Variants in HTR2C observed in about 807,000 individuals in gnomAD.
HTR2C encodes 5-hydroxytryptamine receptor 2C, also known as 5-hydroxytryptamine (serotonin) receptor 2C, G protein-coupled.
In HTR2C, 5 loss-of-function variants were observed where a neutral mutation model predicts 21.0. The ratio of observed to expected loss-of-function variants is 0.24; its 90% confidence interval spans 0.12 to 0.50. The LOEUF is 0.50. Ranked by LOEUF, HTR2C falls within the 20% of genes least tolerant of loss-of-function variation. The pLI is 0.98. For missense variants in HTR2C, 271 were observed against 371.2 expected (o/e 0.73, Z 2.22); for synonymous variants, 150 against 145.3 (o/e 1.03, Z -0.23).
intron 2 of HTR2C, among the ~76,000 whole-genome samples, chrX:114,636,635 T>A (rs1242354801): frequency 1.8e-5 from 2 of 111,842 alleles, no homozygotes; most frequent in South Asian, 3.7e-4. Context: ...CTTTGTCACT[T>A]GTCAGAAGTC....
chrX:114,802,870 A>C (rs2070363558), intron 4 of HTR2C, among the ~76,000 whole-genome samples: 1 of 76,887 alleles, frequency 1.3e-5, no homozygotes, highest in East Asian at 5.7e-4. Flanking sequence ...TCCCAATGCT[A>C]TCCCTCCCCC....
chrX:114,851,270 ATATT>A (rs1412222434), intron 5 of HTR2C, among the ~76,000 whole-genome samples: 1 of 112,047 alleles, frequency 8.9e-6, no homozygotes, highest in African/African-American at 3.2e-5. Flanking sequence ...TGCACAAGAA[ATATT>A]TATCAAAACT....
At chrX:114,806,382 A>T (rs781910241) in intron 4 of HTR2C, among the ~76,000 whole-genome samples, 4 of 4,565 alleles carry the variant, frequency 8.8e-4, no homozygotes, top group East Asian at 0.059. Flanking sequence ...TATACACACC[A>T]TATATATATA....
chrX:114,785,842 A>G (rs2070169669), intron 4 of HTR2C, among the ~76,000 whole-genome samples: 1 of 112,389 alleles, frequency 8.9e-6, no homozygotes, highest in African/African-American at 3.2e-5. Context: ...TTATACTTCA[A>G]TAAAAGATGG....
At chrX:114,733,809 ACTGT>A in intron 4 of HTR2C, among the ~76,000 whole-genome samples, 1 of 111,132 alleles carries the variant, frequency 9.0e-6, no homozygotes, top group Admixed American at 9.7e-5. Context: ...CTACCTACAA[ACTGT>A]CAGTCATGTT....
intron 4 of HTR2C, among the ~76,000 whole-genome samples, chrX:114,835,417 T>C (rs1179429082): frequency 1.9e-5 from 2 of 107,209 alleles, no homozygotes; most frequent in Non-Finnish European, 3.9e-5. Flanking sequence ...TTTTATTCTT[T>C]TTTCTCTAAA....
rs2071391612 is a variant in HTR2C, at chrX:114,908,436, A to G, written c.*1021A>G. On this transcript the variant is annotated 3_prime_UTR_variant, in exon 6 of 6. Transcript: ENST00000276198. ...AGTAAAACTTGTATTGGAAGTATAG[A>G]TGGTAGAAACTTTGGAAGTTTTACT... is the stretch of plus-strand genomic sequence containing the variant. 8.9e-6 allele frequency: 1 copy of G among 111,953 alleles called. No homozygotes were observed. Among genetic ancestry groups the G allele is most frequent in the Non-Finnish European group, 1.9e-5 (1 of 53,108 alleles). 9.2% of individuals were successfully genotyped at this position (111,953 alleles called of 1,213,427 possible).
chrX:114,780,732 G>A (rs1417386539), intron 4 of HTR2C, among the ~76,000 whole-genome samples: 4 of 111,361 alleles, frequency 3.6e-5, no homozygotes, highest in African/African-American at 9.8e-5. Flanking sequence ...GCCCCTAAAG[G>A]TCTCAAAGAA....
At chrX:114,734,753 CTG>C (rs1274501434) in intron 4 of HTR2C, among the ~76,000 whole-genome samples, 6 of 109,568 alleles carry the variant, frequency 5.5e-5, no homozygotes, top group African/African-American at 2.0e-4. Flanking sequence ...TATTATGAAA[CTG>C]TTTTATATCT....
chrX:114,870,325 G>T (rs1220628770), intron 5 of HTR2C, among the ~76,000 whole-genome samples: 1 of 110,344 alleles, frequency 9.1e-6, no homozygotes, highest in Non-Finnish European at 1.9e-5. Flanking sequence ...TAAGGGATCT[G>T]CCCACCTCGG....
intron 1 of HTR2C, among the ~76,000 whole-genome samples, chrX:114,605,877 G>C (rs1405981780): frequency 6.5e-5 from 7 of 107,960 alleles, no homozygotes; most frequent in African/African-American, 2.4e-4. Context: ...AAAGGGGTTG[G>C]GGCACAGAGA....
chrX:114,784,867 C>T, intron 4 of HTR2C, among the ~76,000 whole-genome samples: 1 of 111,072 alleles, frequency 9.0e-6, no homozygotes, highest in Middle Eastern at 4.7e-3. Flanking sequence ...GATCCGCCCG[C>T]CTCGGCCTCC....
At chrX:114,605,242 G>A (rs1465986102) in intron 1 of HTR2C, among the ~76,000 whole-genome samples, 6 of 112,499 alleles carry the variant, frequency 5.3e-5, no homozygotes, top group South Asian at 7.2e-4. Flanking sequence ...GGCTAGTCAT[G>A]GAACGAAACT....
At chrX:114,666,479 CTAAT>C (rs1931182765) in intron 2 of HTR2C, among the ~76,000 whole-genome samples, 1 of 111,688 alleles carries the variant, frequency 9.0e-6, no homozygotes, top group African/African-American at 3.2e-5. Context: ...TTATGATTAT[CTAAT>C]TTTGTCATAT....
At chrX:114,662,524 A>G (rs985003582) in intron 2 of HTR2C, among the ~76,000 whole-genome samples, 1 of 112,117 alleles carries the variant, frequency 8.9e-6, no homozygotes, top group South Asian at 3.7e-4. Flanking sequence ...TCAAGCCTTA[A>G]GATGAATAAA....
intron 2 of HTR2C, among the ~76,000 whole-genome samples, chrX:114,702,580 C>A (rs1217766522): frequency 9.0e-6 from 1 of 111,535 alleles, no homozygotes; most frequent in Non-Finnish European, 1.9e-5. Flanking sequence ...TGGAAAGGAA[C>A]AACCGGTACC....
At chrX:114,836,954 T>C (rs944143834) in intron 4 of HTR2C, among the ~76,000 whole-genome samples, 2 of 112,153 alleles carry the variant, frequency 1.8e-5, no homozygotes, top group Non-Finnish European at 3.8e-5. Flanking sequence ...TAAGTAACTC[T>C]AGTACAATGC....
chrX:114,646,525 A>G (rs1051889790), intron 2 of HTR2C, among the ~76,000 whole-genome samples: 1 of 112,231 alleles, frequency 8.9e-6, no homozygotes, highest in Non-Finnish European at 1.9e-5. Flanking sequence ...TCTGCTTTTA[A>G]TTGCATTTCC....
At chrX:114,725,304 G>A (rs1262975192) in intron 2 of HTR2C, among the ~76,000 whole-genome samples, 6 of 111,109 alleles carry the variant, frequency 5.4e-5, no homozygotes, top group South Asian at 3.8e-4. Flanking sequence ...CCAGTTGATC[G>A]CATCGGCTCC....
Sources: allele counts gnomAD v4.1 joint callset (sites outside exome capture counted in the v4.1 genomes callset), GRCh38; gene constraint gnomAD v4.1.1; transcripts MANE v1.5; gene names NCBI Gene and HGNC (gene_info 2026-07-23, HGNC 2026-07-21).